ASZ1: variants seen among roughly 807,000 people sequenced by gnomAD.
The protein encoded by ASZ1 is ankyrin repeat, SAM and basic leucine zipper domain-containing protein 1.
Under a neutral mutation model 61.8 loss-of-function variants are expected in ASZ1, and 67 were observed. That is an observed-to-expected ratio of 1.08 (90% CI 0.89 to 1.33). ASZ1 has a LOEUF of 1.33. Ranked by LOEUF, ASZ1 falls within the 40% of genes most tolerant of loss-of-function variation. The pLI is 0.00. For missense variants in ASZ1, 577 were observed against 554.5 expected (o/e 1.04, Z -0.41); for synonymous variants, 193 against 192.7 (o/e 1.00, Z -0.01).
At chr7:117,387,183 G>T in intron 4 of ASZ1, among the ~76,000 whole-genome samples, 1 of 149,806 alleles carries the variant, frequency 6.7e-6, no homozygotes, top group African/African-American at 2.5e-5. Flanking sequence ...GATGTGGTCT[G>T]CACAACTGTA....
chr7:117,372,845 A>C (rs1455918191), intron 10 of ASZ1, among the ~76,000 whole-genome samples: 4 of 152,092 alleles, frequency 2.6e-5, no homozygotes, highest in Admixed American at 2.6e-4. Flanking sequence ...GACCTTTTAT[A>C]TTGTGCCTTT....
intron 2 of ASZ1, among the ~76,000 whole-genome samples, chr7:117,426,118 G>A (rs1797205286): frequency 6.6e-6 from 1 of 151,990 alleles, no homozygotes; most frequent in African/African-American, 2.4e-5. Context: ...CCTAGCTCAG[G>A]CCTCATTCCA....
intron 10 of ASZ1, among the ~76,000 whole-genome samples, chr7:117,378,576 T>A (rs754214366): frequency 1.3e-5 from 2 of 152,092 alleles, no homozygotes; most frequent in Non-Finnish European, 2.9e-5. Context: ...ATAAGCTTGC[T>A]AGAAACATAA....
intron 3 of ASZ1, 118 bp from the exon 4 acceptor site, chr7:117,420,392 T>C (rs1240317154): frequency 2.9e-5 from 17 of 591,864 alleles, no homozygotes; most frequent in Middle Eastern, 9.1e-4. Flanking sequence ...TCTTCCCAAA[T>C]CTCTCACTCT....
chr7:117,381,468 C>A (rs1338295493), intron 8 of ASZ1, among the ~76,000 whole-genome samples: 4 of 152,026 alleles, frequency 2.6e-5, no homozygotes, highest in Non-Finnish European at 5.9e-5. Flanking sequence ...TACAATGAAG[C>A]ACAACTCTGA....
At chr7:117,369,864 T>C (rs1796016067) in intron 10 of ASZ1, among the ~76,000 whole-genome samples, 1 of 152,196 alleles carries the variant, frequency 6.6e-6, no homozygotes, top group Admixed American at 6.5e-5. Context: ...GAGTTTGGAT[T>C]CAGCTTCCAC....
chr7:117,427,214 T>G, intron 1 of ASZ1, 142 bp downstream of exon 1: 2 of 1,042,382 alleles, frequency 1.9e-6, no homozygotes, highest in Admixed American at 2.3e-5. Context: ...GCGGGTTTGC[T>G]TAAGTACAAA....
At chr7:117,402,899 G>C (rs1054360481) in intron 4 of ASZ1, among the ~76,000 whole-genome samples, 6 of 152,088 alleles carry the variant, frequency 3.9e-5, no homozygotes, top group African/African-American at 1.4e-4. Context: ...CGGCAAGGTG[G>C]GGACTAGCAA....
chr7:117,377,563 T>C (rs1017707198), intron 10 of ASZ1, among the ~76,000 whole-genome samples: 1 of 152,062 alleles, frequency 6.6e-6, no homozygotes, highest in African/African-American at 2.4e-5. Context: ...ACCTAAAACT[T>C]TTAGAGATAT....
At chr7:117,419,663 C>A (rs895554755) in intron 4 of ASZ1, among the ~76,000 whole-genome samples, 11 of 152,026 alleles carry the variant, frequency 7.2e-5, no homozygotes, top group Non-Finnish European at 1.2e-4. Flanking sequence ...TCAAAAGATG[C>A]AAGATACATT....
chr7:117,426,967 T>A, intron 1 of ASZ1, 32 bp from the exon 2 acceptor site: 1 of 1,556,870 alleles, frequency 6.4e-7, no homozygotes, highest in Non-Finnish European at 8.7e-7. Context: ...AAAATTCTTG[T>A]TATATATATT....
chr7:117,397,863 C>T (rs1307787819), intron 4 of ASZ1, among the ~76,000 whole-genome samples: 1 of 152,242 alleles, frequency 6.6e-6, no homozygotes, highest in Non-Finnish European at 1.5e-5. Context: ...ATGGGCTATC[C>T]CTTTATCTGC....
chr7:117,379,168 T>TATAC (rs1161457624), intron 10 of ASZ1, among the ~76,000 whole-genome samples: 921 of 69,486 alleles, frequency 0.013, 23 homozygotes, highest in East Asian at 0.1. Context: ...TATATATATA[T>TATAC]ACACACACAC....
intron 4 of ASZ1, among the ~76,000 whole-genome samples, chr7:117,386,436 T>C (rs1796357344): frequency 6.6e-6 from 1 of 152,156 alleles, no homozygotes; most frequent in South Asian, 2.1e-4. Flanking sequence ...TCTCTGTAGT[T>C]TATCATTTCC....
intron 4 of ASZ1, among the ~76,000 whole-genome samples, chr7:117,386,154 T>C (rs2116475759): frequency 6.6e-6 from 1 of 152,342 alleles, no homozygotes; most frequent in Non-Finnish European, 1.5e-5. Flanking sequence ...AGGAATATAG[T>C]AATGAATGAC....
At chr7:117,372,904 T>C (rs1404824070) in intron 10 of ASZ1, among the ~76,000 whole-genome samples, 1 of 152,206 alleles carries the variant, frequency 6.6e-6, no homozygotes, top group Admixed American at 6.5e-5. Flanking sequence ...CAAAATAATT[T>C]TAATGATGAA....
rs575003597 is a variant in ASZ1, at chr7:117,366,975, A to G, written c.1275+377T>C. Among the ~76,000 whole-genome samples, 201 of 152,276 alleles carry G rather than the reference A, an allele frequency of 1.3e-3. 1 individual carries two copies. Among genetic ancestry groups the G allele is most frequent in the Non-Finnish European group, 2.5e-3 (171 of 68,006 alleles). Reference sequence around the variant, plus strand: ...AGTATAGAATACTTATGGTACATATAATTTGGGATAAAATACTATCAAAAG... The same window carrying G: ...AGTATAGAATACTTATGGTACATATGATTTGGGATAAAATACTATCAAAAG... On this transcript the variant is annotated intron_variant, in intron 12 of 12. Coordinates refer to ENST00000284629, the MANE Select transcript of ASZ1 (RefSeq NM_130768.3).
intron 8 of ASZ1, 63 bp from the exon 9 acceptor site, chr7:117,381,130 CAA>C: frequency 7.1e-7 from 1 of 1,402,266 alleles, no homozygotes. Flanking sequence ...GAGAAGTAGG[CAA>C]ATGTTCATAA....
chr7:117,385,798 G>T lies in ASZ1; in HGVS notation c.452C>A (p.Thr151Asn). 1 of 1,612,114 alleles carries T rather than the reference G, an allele frequency of 6.2e-7. No homozygotes were observed. The highest frequency in any genetic ancestry group is 8.5e-7 in the Non-Finnish European group (1 of 1,178,486). Residue 151 changes from threonine (T) to asparagine (N), a missense_variant, in exon 5 of 13, where the codon ACC becomes AAC. By Grantham distance (65) the Thr-to-Asn change is moderately conservative. Transcript: ENST00000284629. ...DPNVACRRLM[T>N]PIMYAARDGH... ...ATCTCGAGCAGCATACATGATTGGGGTCATAAGTCTCCTAAGGAGGAGGAA... is the reference window on the plus strand; with the variant it reads ...ATCTCGAGCAGCATACATGATTGGGTTCATAAGTCTCCTAAGGAGGAGGAA...
Sources: gnomAD v4.1 joint callset for allele counts (sites outside exome capture counted in the v4.1 genomes callset) on GRCh38, gnomAD v4.1.1 for gene constraint, MANE v1.5 for transcripts, NCBI Gene and HGNC (gene_info 2026-07-23, HGNC 2026-07-21) for gene names.